WWOX: variants seen among roughly 807,000 people sequenced by gnomAD.
The protein encoded by WWOX is WW domain containing oxidoreductase.
Under a neutral mutation model 46.2 loss-of-function variants are expected in WWOX, and 69 were observed. The ratio of observed to expected loss-of-function variants is 1.49; its 90% CI spans 1.23 to 1.82. The LOEUF (loss-of-function observed/expected upper bound fraction) is 1.82, where lower values mean the gene tolerates loss of function less well. Among genes scored for constraint, WWOX ranks in the 40% most tolerant of loss-of-function variants. WWOX has a pLI of 0.00. For missense variants in WWOX, 919 were observed against 542.6 expected (o/e 1.69, Z -6.89); for synonymous variants, 359 against 202.6 (o/e 1.77, Z -6.56).
chr16:78,896,702 G>A (rs777295176), intron 8 of WWOX: 1 of 151,886 alleles, frequency 6.6e-6, no homozygotes, highest in Non-Finnish European at 1.5e-5. Flanking sequence ...TCAAAAGTAA[G>A]GTCTGTTTTA....
At chr16:78,650,712 C>T (rs2046947901) in intron 8 of WWOX, among the ~76,000 whole-genome samples, 1 of 152,098 alleles carries the variant, frequency 6.6e-6, no homozygotes, top group Non-Finnish European at 1.5e-5. Flanking sequence ...TTAGGAATTC[C>T]ATTCACAGTA....
intron 8 of WWOX, among the ~76,000 whole-genome samples, chr16:78,536,939 G>C (rs1216781228): frequency 7.0e-6 from 1 of 143,408 alleles, no homozygotes; most frequent in Non-Finnish European, 1.5e-5. Context: ...TTTTGAGAGA[G>C]AGAGTCTCAC....
chr16:78,364,101 C>G (rs1051169065), intron 5 of WWOX, among the ~76,000 whole-genome samples: 2 of 152,210 alleles, frequency 1.3e-5, no homozygotes, highest in Non-Finnish European at 2.9e-5. Context: ...AGTGACCTTG[C>G]CCTTCCTGGC....
intron 5 of WWOX, among the ~76,000 whole-genome samples, chr16:78,238,521 A>C (rs927506803): frequency 6.6e-6 from 1 of 152,126 alleles, no homozygotes; most frequent in Non-Finnish European, 1.5e-5. Context: ...AGGCTGAATA[A>C]TCATATTTTC....
At chr16:78,437,814 G>A (rs1348124199) in intron 8 of WWOX, among the ~76,000 whole-genome samples, 4 of 152,118 alleles carry the variant, frequency 2.6e-5, no homozygotes, top group Non-Finnish European at 4.4e-5. Flanking sequence ...CACATCATAC[G>A]TGCATTACAT....
intron 5 of WWOX, among the ~76,000 whole-genome samples, chr16:78,232,913 C>T (rs1157424423): frequency 2.0e-5 from 3 of 151,836 alleles, no homozygotes; most frequent in Non-Finnish European, 4.4e-5. Context: ...GCTATTTCGG[C>T]TAACTGCAAT....
intron 8 of WWOX, among the ~76,000 whole-genome samples, chr16:78,793,978 C>T (rs112382854): frequency 3.3e-5 from 5 of 152,152 alleles, no homozygotes; most frequent in African/African-American, 1.2e-4. Flanking sequence ...AGACCCATGC[C>T]ATATAGCAAA....
intron 8 of WWOX, among the ~76,000 whole-genome samples, chr16:78,999,770 A>G (rs573079424): frequency 1.2e-4 from 18 of 152,312 alleles, no homozygotes; most frequent in African/African-American, 4.1e-4. Context: ...CATGTTCACT[A>G]TTCAGATGAT....
At chr16:78,217,221 C>T (rs1199245453) in intron 5 of WWOX, among the ~76,000 whole-genome samples, 2 of 152,144 alleles carry the variant, frequency 1.3e-5, no homozygotes, top group African/African-American at 4.8e-5. Flanking sequence ...AAAGTCTGTT[C>T]CCTTCCTCCC....
At chr16:78,926,760 G>A (rs369820662) in intron 8 of WWOX, among the ~76,000 whole-genome samples, 3 of 152,146 alleles carry the variant, frequency 2.0e-5, no homozygotes, top group African/African-American at 7.2e-5. Flanking sequence ...GACCATGGGT[G>A]TGAGTATTGA....
At chr16:79,067,545 T>A (rs948155718) in intron 8 of WWOX, among the ~76,000 whole-genome samples, 1 of 147,038 alleles carries the variant, frequency 6.8e-6, no homozygotes, top group Admixed American at 7.1e-5. Flanking sequence ...AGACCTTCCC[T>A]GACCACTGCC....
chr16:78,770,934 T>C (rs907190242), intron 8 of WWOX, among the ~76,000 whole-genome samples: 1 of 152,238 alleles, frequency 6.6e-6, no homozygotes, highest in Admixed American at 6.5e-5. Context: ...TTATGTGTGC[T>C]GTTTGATAGA....
intron 5 of WWOX, among the ~76,000 whole-genome samples, chr16:78,190,115 G>A (rs1035060443): frequency 2.0e-5 from 3 of 152,156 alleles, no homozygotes; most frequent in Non-Finnish European, 4.4e-5. Context: ...GCATGAACTG[G>A]TTTGGGCCAG....
intron 8 of WWOX, among the ~76,000 whole-genome samples, chr16:79,044,157 T>C (rs1275589993): frequency 1.3e-5 from 2 of 152,036 alleles, no homozygotes; most frequent in Non-Finnish European, 2.9e-5. Context: ...AAACAGCAAA[T>C]GTTCACTGTG....
intron 8 of WWOX, among the ~76,000 whole-genome samples, chr16:79,154,729 G>A (rs2050347924): frequency 6.6e-6 from 1 of 152,206 alleles, no homozygotes; most frequent in Non-Finnish European, 1.5e-5. Context: ...GATGGAGCCA[G>A]TTAAACCAGT....
At chr16:79,137,016 A>G (rs1286988667) in intron 8 of WWOX, among the ~76,000 whole-genome samples, 1 of 152,204 alleles carries the variant, frequency 6.6e-6, no homozygotes, top group African/African-American at 2.4e-5. Context: ...AGAGGAGGCT[A>G]TTGTGATGTT....
At chr16:79,120,614 T>G (rs757348718) in intron 8 of WWOX, among the ~76,000 whole-genome samples, 1 of 152,176 alleles carries the variant, frequency 6.6e-6, no homozygotes, top group Non-Finnish European at 1.5e-5. Flanking sequence ...TGACACTGCT[T>G]CTGGGGACAC....
At chr16:79,193,457 C>T (rs545084028) in intron 8 of WWOX, among the ~76,000 whole-genome samples, 7 of 152,148 alleles carry the variant, frequency 4.6e-5, no homozygotes, top group South Asian at 4.1e-4. Flanking sequence ...GCTTTGCCAC[C>T]GGGCAGTACT....
intron 8 of WWOX, among the ~76,000 whole-genome samples, chr16:78,540,659 A>T (rs973228366): frequency 6.6e-6 from 1 of 151,854 alleles, no homozygotes; most frequent in African/African-American, 2.4e-5. Flanking sequence ...GTGGATTTCT[A>T]TAGGCTCCTG....
Sources: allele counts gnomAD v4.1 joint callset (sites outside exome capture counted in the v4.1 genomes callset), GRCh38; gene constraint gnomAD v4.1.1; transcripts MANE v1.5; gene names NCBI Gene and HGNC (gene_info 2026-07-23, HGNC 2026-07-21).